The following PAK1 variants were observed in gnomAD, a reference collection of about 807,000 sequenced individuals.
PAK1 encodes serine/threonine-protein kinase PAK 1.
In PAK1, 29 loss-of-function variants were observed where a neutral mutation model predicts 67.4. The observed-to-expected ratio is 0.43, with a 90% CI of 0.32 to 0.59. The LOEUF is 0.59. Among genes scored for constraint, PAK1 ranks in the 20% least tolerant of loss-of-function variants. The probability of loss-of-function intolerance (pLI) is 0.07; values close to 1 mark genes in which losing one functional copy is unlikely to be tolerated. For synonymous variants in PAK1, 223 were observed against 237.4 expected, an observed-to-expected ratio of 0.94 and a Z score of 0.56; for missense variants, 337 against 670.7, an observed-to-expected ratio of 0.50 and a Z score of 5.50.
intron 1 of PAK1, among the ~76,000 whole-genome samples, chr11:77,416,066 C>T (rs908668371): frequency 7.2e-5 from 11 of 151,884 alleles, no homozygotes; most frequent in African/African-American, 2.7e-4. Context: ...GCAACCTCCA[C>T]TTTCTGGGTT....
chr11:77,396,258 C>T (rs1951817305), intron 1 of PAK1, among the ~76,000 whole-genome samples: 1 of 152,206 alleles, frequency 6.6e-6, no homozygotes, highest in African/African-American at 2.4e-5. Context: ...TTACTACATT[C>T]CAGCCTAGGT....
In PAK1 at chr11:77,473,741, G is replaced by C. The variant is rs1032400055; in HGVS notation, c.-211C>G. On this transcript the variant is annotated 5_prime_UTR_variant, in exon 1 of 15. Coordinates refer to ENST00000356341, the MANE Select transcript of PAK1 (RefSeq NM_002576.5). ...AACTGCGAGGGAAGGGATGATGGGG[G>C]GGCGGGAGGGAGCGAGGCGACGCGG... 2.0e-5 allele frequency: 3 copies of C among 151,660 alleles called. No homozygotes were observed. Among genetic ancestry groups the C allele is most frequent in the African/African-American group, 7.3e-5 (3 of 41,116 alleles). 9.4% of individuals were successfully genotyped at this position (151,660 alleles called of 1,614,324 possible). A position where few individuals can be genotyped will look rare whatever the true frequency, so the allele number is the denominator to read the frequency against.
At chr11:77,446,531 AAAAG>A (rs1292454884) in intron 1 of PAK1, among the ~76,000 whole-genome samples, 1 of 150,842 alleles carries the variant, frequency 6.6e-6, no homozygotes, top group African/African-American at 2.5e-5. Flanking sequence ...AAAAAAAAAA[AAAAG>A]AAAGTTCAGA....
intron 1 of PAK1, among the ~76,000 whole-genome samples, chr11:77,457,438 G>A (rs976553416): frequency 1.3e-5 from 2 of 152,166 alleles, no homozygotes; most frequent in African/African-American, 2.4e-5. Context: ...TGAAGGCTGC[G>A]GCTCTGCAGT....
the PAK1 span, among the ~76,000 whole-genome samples, chr11:77,511,009 T>G: frequency 2.6e-5 from 4 of 152,246 alleles, no homozygotes; most frequent in African/African-American, 9.6e-5. Context: ...GACTATGACT[T>G]CTGTGTGGGA....
In PAK1 at chr11:77,356,014, A is replaced by T. The variant is rs1462424571; in HGVS notation, c.598-172T>A. The T allele has an allele frequency of 5.4e-6, 3 of 558,530 alleles. No individual in the cohort carries two copies. In the East Asian group the frequency reaches 8.8e-5, roughly 16 times the overall value. The allele number at this position is 558,530 out of a possible 1,614,324, so 34.6% of individuals were successfully genotyped here. On this transcript the variant is annotated intron_variant, in intron 6 of 14. Transcript: ENST00000356341. ...GTGCCCAGGCCCACCCATTCTGGGTAAAATGGCCTTCCTTACTCTCACTGT... is the reference window on the plus strand; with the variant it reads ...GTGCCCAGGCCCACCCATTCTGGGTTAAATGGCCTTCCTTACTCTCACTGT...
At chr11:77,417,234 G>A (rs967038489) in intron 1 of PAK1, among the ~76,000 whole-genome samples, 2 of 152,188 alleles carry the variant, frequency 1.3e-5, no homozygotes, top group African/African-American at 4.8e-5. Context: ...GGAAGCGACT[G>A]AGATATCCTT....
chr11:77,383,644 G>C (rs1408055929), intron 2 of PAK1, among the ~76,000 whole-genome samples: 2 of 152,236 alleles, frequency 1.3e-5, no homozygotes, highest in Middle Eastern at 6.8e-3. Flanking sequence ...GTAATATTTA[G>C]ACTGAGTATT....
chr11:77,525,296 C>T, the PAK1 span, among the ~76,000 whole-genome samples: 1 of 151,516 alleles, frequency 6.6e-6, no homozygotes, highest in Non-Finnish European at 1.5e-5. Context: ...CGCCACTGTA[C>T]TCCAGCCTGG....
At chr11:77,358,616 T>A (rs1006842556) in intron 6 of PAK1, among the ~76,000 whole-genome samples, 6 of 152,160 alleles carry the variant, frequency 3.9e-5, no homozygotes, top group African/African-American at 7.2e-5. Context: ...ATCCTATATA[T>A]CTTCCTGTCC....
intron 9 of PAK1, chr11:77,347,162 C>T (rs182286433): frequency 2.2e-6 from 1 of 448,646 alleles, no homozygotes; most frequent in Non-Finnish European, 4.5e-6. Context: ...TTTGTAACCA[C>T]AAGACACGCA....
At chr11:77,385,761 G>A (rs1950368930) in intron 2 of PAK1, among the ~76,000 whole-genome samples, 1 of 152,132 alleles carries the variant, frequency 6.6e-6, no homozygotes, top group Non-Finnish European at 1.5e-5. Flanking sequence ...GGAGGCTGAG[G>A]CAGGGAGAAT....
the PAK1 span, among the ~76,000 whole-genome samples, chr11:77,484,490 A>AT: frequency 1.3e-5 from 2 of 152,172 alleles, no homozygotes; most frequent in African/African-American, 4.8e-5. Context: ...TAGAAATAAC[A>AT]TTTTTTTAGA....
intron 1 of PAK1, among the ~76,000 whole-genome samples, chr11:77,460,131 G>C (rs1957268328): frequency 7.0e-6 from 1 of 142,632 alleles, no homozygotes; most frequent in African/African-American, 2.6e-5. Context: ...CCTGAGGAGA[G>C]ACAGACTTTC....
intron 1 of PAK1, among the ~76,000 whole-genome samples, chr11:77,424,938 T>G (rs1034045822): frequency 2.6e-5 from 4 of 152,242 alleles, no homozygotes; most frequent in Non-Finnish European, 5.9e-5. Context: ...GCCTAGCACA[T>G]ACAAAGCTCT....
intron 1 of PAK1, among the ~76,000 whole-genome samples, chr11:77,445,994 T>C (rs1282364222): frequency 3.9e-5 from 6 of 152,234 alleles, no homozygotes; most frequent in Non-Finnish European, 8.8e-5. Flanking sequence ...TCACAGTTCA[T>C]AGTACATGCT....
intron 9 of PAK1, among the ~76,000 whole-genome samples, chr11:77,347,685 A>C (rs917707343): frequency 6.6e-6 from 1 of 152,318 alleles, no homozygotes; most frequent in South Asian, 2.1e-4. Context: ...TATGATTTTA[A>C]TGTCTGTGAA....
chr11:77,440,592 T>C (rs977839559), intron 1 of PAK1, among the ~76,000 whole-genome samples: 1 of 152,150 alleles, frequency 6.6e-6, no homozygotes, highest in African/African-American at 2.4e-5. Context: ...CTCTGCTGAT[T>C]CTAAATAGAA....
At chr11:77,420,283 T>C (rs995414477) in intron 1 of PAK1, among the ~76,000 whole-genome samples, 12 of 152,310 alleles carry the variant, frequency 7.9e-5, no homozygotes, top group Middle Eastern at 3.4e-3. Flanking sequence ...TTCTTGGAAA[T>C]AGTAAATAAT....
Sources: allele counts gnomAD v4.1 joint callset (sites outside exome capture counted in the v4.1 genomes callset), GRCh38; gene constraint gnomAD v4.1.1; transcripts MANE v1.5; gene names NCBI Gene and HGNC (gene_info 2026-07-23, HGNC 2026-07-21).